TATDN1: variants seen among roughly 807,000 people sequenced by gnomAD.
TATDN1 encodes the protein deoxyribonuclease TATDN1.
In TATDN1, 40 loss-of-function variants were observed where a neutral mutation model predicts 46.4. The observed-to-expected ratio is 0.86, with a 90% CI of 0.67 to 1.12. The LOEUF is 1.12. Ranked by LOEUF, TATDN1 falls within the 50% of genes most tolerant of loss-of-function variation. The pLI, the probability that TATDN1 is intolerant of heterozygous loss-of-function variation, is 0.00. For synonymous variants in TATDN1, 95 were observed against 105.6 expected, an observed-to-expected ratio of 0.90 and a Z score of 0.62; for missense variants, 326 against 348.4, an observed-to-expected ratio of 0.94 and a Z score of 0.51.
At chr8:124,527,359 G>T (rs1820589327) in intron 1 of TATDN1, among the ~76,000 whole-genome samples, 2 of 152,148 alleles carry the variant, frequency 1.3e-5, no homozygotes, top group African/African-American at 4.8e-5. Context: ...TCTGTGACTG[G>T]TGGTCACTTG....
chr8:124,518,536 A>C (rs1412447085), intron 4 of TATDN1, among the ~76,000 whole-genome samples: 5 of 152,012 alleles, frequency 3.3e-5, no homozygotes. Context: ...AAAAAAAAAA[A>C]AAACACACCT....
At chr8:124,494,160 C>T in intron 10 of TATDN1, 1 of 398,100 alleles carries the variant, frequency 2.5e-6, no homozygotes. Flanking sequence ...AGACTCACTT[C>T]TATTCCTTTT....
intron 6 of TATDN1, among the ~76,000 whole-genome samples, chr8:124,513,842 G>A (rs538218146): frequency 6.6e-6 from 1 of 152,246 alleles, no homozygotes; most frequent in East Asian, 1.9e-4. Flanking sequence ...TGAAAGTTGA[G>A]GAATATGATA....
In TATDN1 at chr8:124,488,758, TATA is replaced by T. The variant is rs1816634106; in HGVS notation, c.792-65_792-63del. On this transcript the variant is annotated intron_variant, in intron 11 of 11. Coordinates refer to ENST00000276692, the MANE Select transcript of TATDN1 (RefSeq NM_032026.4). ...AAGTATACATTTAGTTCTAAAGCTATATAATATTTTTCCACACAAAGGAAAATA... is the reference window on the plus strand; with the variant it reads ...AAGTATACATTTAGTTCTAAAGCTATATATTTTTCCACACAAAGGAAAATA... 4 of 980,736 alleles carry T rather than the reference TATA, an allele frequency of 4.1e-6. No homozygotes were observed. The South Asian group carries it at 5.5e-5, about 13-fold the overall frequency. The allele number at this position is 980,736 out of a possible 1,614,324, so 60.8% of individuals were successfully genotyped here.
chr8:124,496,422 G>A (rs548972543), intron 9 of TATDN1, among the ~76,000 whole-genome samples: 20 of 152,264 alleles, frequency 1.3e-4, no homozygotes, highest in Admixed American at 3.3e-4. Flanking sequence ...AATATGCAAT[G>A]ACACGTATCT....
At chr8:124,503,931 C>T (rs768036440) in intron 9 of TATDN1, 13 of 1,302,306 alleles carry the variant, frequency 1.0e-5, no homozygotes, top group South Asian at 8.6e-5. Context: ...TCAGATATGA[C>T]GTGTATATGT....
chr8:124,490,295 A>G (rs547662537), intron 11 of TATDN1: 1 of 152,128 alleles, frequency 6.6e-6, no homozygotes, highest in East Asian at 1.9e-4. Flanking sequence ...AGGCAGATTG[A>G]ACTCAAGAGT....
In TATDN1 at chr8:124,539,037, A is replaced by G; in HGVS notation, c.10T>C (p.Phe4Leu). The change falls in exon 1 of 12, where the codon TTC (phenylalanine) becomes CTC (leucine). Residue 4 changes from phenylalanine to leucine, a missense_variant. Physicochemically the swap from Phe to Leu is conservative, Grantham distance 22. Coordinates refer to ENST00000276692, the MANE Select transcript of TATDN1 (RefSeq NM_032026.4). MSR[F>L]KFIDIGINLT... ...ACGCTCCTCTTACCGATAAACTTGA[A>G]GCGACTCATGACTGCGCATGGAGGA... 6.2e-7 allele frequency: 1 copy of G among 1,614,050 alleles called. No homozygotes were observed.
At chr8:124,515,108 T>A (rs561403725) in intron 6 of TATDN1, among the ~76,000 whole-genome samples, 2 of 152,134 alleles carry the variant, frequency 1.3e-5, no homozygotes, top group South Asian at 4.1e-4. Context: ...ACTTTTAATA[T>A]CCTTTGCTCT....
intron 1 of TATDN1, chr8:124,538,811 T>G (rs1350058714): frequency 1.6e-6 from 1 of 612,572 alleles, no homozygotes; most frequent in African/African-American, 1.8e-5. Context: ...GGCTTGTTAA[T>G]TTTTACAAAT....
chr8:124,534,259 G>A (rs1453586846), intron 1 of TATDN1, among the ~76,000 whole-genome samples: 1 of 147,078 alleles, frequency 6.8e-6, no homozygotes. Context: ...AGCTAAGAAT[G>A]ACTTTACATT....
chr8:124,507,598 A>G (rs1387454306), intron 8 of TATDN1, among the ~76,000 whole-genome samples: 1 of 152,090 alleles, frequency 6.6e-6, no homozygotes, highest in Non-Finnish European at 1.5e-5. Context: ...CCTAGGCAAC[A>G]TAGTAAAACT....
At chr8:124,520,152 T>A (rs573546455) in intron 3 of TATDN1, among the ~76,000 whole-genome samples, 1 of 152,210 alleles carries the variant, frequency 6.6e-6, no homozygotes, top group Admixed American at 6.5e-5. Flanking sequence ...GCAGAAGATG[T>A]AAGGCAGGGC....
Position 124,535,277 on chromosome 8 carries a change from C to T in TATDN1, c.22+3748G>A, listed in dbSNP as rs144795843. Among the ~76,000 whole-genome samples, 560 of 152,294 alleles carry T rather than the reference C, an allele frequency of 3.7e-3. 1 individual carries two copies. The highest frequency in any genetic ancestry group is 6.8e-3 in the Middle Eastern group (2 of 294). On this transcript the variant is annotated intron_variant, in intron 1 of 11. Coordinates refer to ENST00000276692, the MANE Select transcript of TATDN1 (RefSeq NM_032026.4). Reference sequence around the variant, plus strand: ...AAGAAATGGGAGCAGAGAACACACACGTATTTACTATTACATCACAGTACA... The same window carrying T: ...AAGAAATGGGAGCAGAGAACACACATGTATTTACTATTACATCACAGTACA...
chr8:124,538,587 A>C (rs1586703097), intron 1 of TATDN1: 1 of 228,628 alleles, frequency 4.4e-6, no homozygotes, highest in East Asian at 1.1e-4. Flanking sequence ...TGCCAGGCCC[A>C]CTTGAGGCGC....
At chr8:124,525,504 G>A (rs545282699) in intron 1 of TATDN1, among the ~76,000 whole-genome samples, 3 of 152,086 alleles carry the variant, frequency 2.0e-5, no homozygotes, top group Non-Finnish European at 2.9e-5. Context: ...CAGCTCACCC[G>A]CAACAAATAA....
chr8:124,523,169 G>C (rs1367283353), intron 1 of TATDN1, 167 bp from the exon 2 acceptor site: 1 of 603,570 alleles, frequency 1.7e-6, no homozygotes, highest in Non-Finnish European at 2.9e-6. Flanking sequence ...GGGATACAAA[G>C]ATGAATAGGA....
intron 1 of TATDN1, among the ~76,000 whole-genome samples, chr8:124,526,173 C>T (rs1299341176): frequency 1.3e-5 from 2 of 152,162 alleles, no homozygotes; most frequent in Non-Finnish European, 2.9e-5. Flanking sequence ...TGTAACCGCG[C>T]CCCACCTTTT....
intron 1 of TATDN1, chr8:124,538,599 CACTA>C (rs980602206): frequency 1.0e-4 from 24 of 234,718 alleles, no homozygotes; most frequent in African/African-American, 2.7e-4. Context: ...TTGAGGCGCT[CACTA>C]ACTATGATAT....
Sources: allele counts gnomAD v4.1 joint callset (sites outside exome capture counted in the v4.1 genomes callset), GRCh38; gene constraint gnomAD v4.1.1; transcripts MANE v1.5; gene names NCBI Gene and HGNC (gene_info 2026-07-23, HGNC 2026-07-21).